DTX2: variants seen among roughly 807,000 people sequenced by gnomAD.
DTX2 encodes probable E3 ubiquitin-protein ligase DTX2.
Under a neutral mutation model 55.3 loss-of-function variants are expected in DTX2, and 29 were observed. That is an observed-to-expected ratio of 0.52 (90% CI 0.39 to 0.71). The LOEUF (loss-of-function observed/expected upper bound fraction) is 0.71, where lower values mean the gene tolerates loss of function less well. DTX2 is among the 30% of genes least tolerant of loss of function. The pLI, the probability that DTX2 is intolerant of heterozygous loss-of-function variation, is 0.00. For synonymous variants in DTX2, 276 were observed against 340.4 expected, an observed-to-expected ratio of 0.81 and a Z score of 2.08; for missense variants, 537 against 822.5, an observed-to-expected ratio of 0.65 and a Z score of 4.25.
intron 6 of DTX2, among the ~76,000 whole-genome samples, chr7:76,498,310 C>T (rs1480718831): frequency 1.1e-4 from 16 of 150,780 alleles, no homozygotes; most frequent in Middle Eastern, 3.6e-3. Context: ...CTCCAGCCCA[C>T]AGGCGAGGAG....
At chr7:76,478,500 A>T (rs1278753800) in intron 2 of DTX2, among the ~76,000 whole-genome samples, 4 of 147,892 alleles carry the variant, frequency 2.7e-5, no homozygotes, top group Non-Finnish European at 5.9e-5. Context: ...GCAGCCTCTA[A>T]CTCCTGGGCT....
chr7:76,475,221 G>T (rs947388197), intron 2 of DTX2, among the ~76,000 whole-genome samples: 13 of 151,710 alleles, frequency 8.6e-5, no homozygotes, highest in Non-Finnish European at 1.8e-4. Flanking sequence ...TGAGGCAGAA[G>T]AATCACTTGA....
At chr7:76,473,980 G>T in intron 2 of DTX2, among the ~76,000 whole-genome samples, 1 of 124,344 alleles carries the variant, frequency 8.0e-6, no homozygotes, top group Non-Finnish European at 1.7e-5. Flanking sequence ...GGAGTGCAAT[G>T]GCGCGATCTC....
chr7:76,468,097 G>A (rs1444722331), intron 2 of DTX2, among the ~76,000 whole-genome samples: 1 of 152,298 alleles, frequency 6.6e-6, no homozygotes, highest in Non-Finnish European at 1.5e-5. Context: ...GGAGAGGGAG[G>A]CCAGGGCCTG....
chr7:76,474,626 C>A (rs1349197643), intron 2 of DTX2: 1 of 151,914 alleles, frequency 6.6e-6, no homozygotes, highest in African/African-American at 2.4e-5. Context: ...TGAAAGTAGC[C>A]GTGGCTCAGT....
intron 2 of DTX2, among the ~76,000 whole-genome samples, chr7:76,468,135 C>T (rs1229650277): frequency 6.6e-6 from 1 of 152,292 alleles, no homozygotes; most frequent in Non-Finnish European, 1.5e-5. Flanking sequence ...ATGTTATCAA[C>T]GCCCGGTGTG....
chr7:76,474,724 C>T (rs1229786851), intron 2 of DTX2: 3 of 151,936 alleles, frequency 2.0e-5, no homozygotes, highest in African/African-American at 7.3e-5. Context: ...GTGGCTCACC[C>T]GCCCCGGGGC....
intron 3 of DTX2, 123 bp downstream of exon 3, chr7:76,480,900 C>G (rs1010786904): frequency 8.5e-7 from 1 of 1,172,590 alleles, no homozygotes; most frequent in East Asian, 2.6e-5. Flanking sequence ...CTGCAGCACA[C>G]GTGGTGGTGG....
At chr7:76,470,580 CT>C in intron 2 of DTX2, 4 of 228,268 alleles carry the variant, frequency 1.8e-5, no homozygotes, top group Admixed American at 7.8e-5. Context: ...AGATTTGTGC[CT>C]TTTTTCGGTG....
chr7:76,504,685 T>C (rs114827474), intron 10 of DTX2, among the ~76,000 whole-genome samples: 1,085 of 152,280 alleles, frequency 7.1e-3, no homozygotes, highest in African/African-American at 0.024. Context: ...GGTCAGGAGC[T>C]CCTGAGAGTC....
rs776357746 is a variant in DTX2, at chr7:76,483,105, C to T, written c.866C>T (p.Pro289Leu). The T allele has an allele frequency of 3.0e-5, 48 of 1,612,744 alleles. No individual in the cohort carries two copies. The highest frequency in any genetic ancestry group is 2.4e-4 in the African/African-American group (18 of 74,936). ...LYRSSLSHLGPQHLPPGSSTS... is the reference protein window; with the variant it reads ...LYRSSLSHLGLQHLPPGSSTS... ...CGCTCCAGCCTCTCCCACCTGGGAC[C>T]GCAGCACCTGCCCCCAGGATCCTCC... The change falls in exon 4 of 11, where the codon CCG (proline) becomes CTG (leucine). Residue 289 changes from proline to leucine, a missense_variant. Around this residue, in one of 7 missense-constraint regions of DTX2, gnomAD observed 18 missense variants for 65.0 expected, o/e 0.28. Transcript: ENST00000430490.
At chr7:76,481,596 G>A (rs1809222514) in intron 3 of DTX2, among the ~76,000 whole-genome samples, 2 of 152,134 alleles carry the variant, frequency 1.3e-5, no homozygotes, top group African/African-American at 2.4e-5. Context: ...TGTCCCCGGG[G>A]CCATCTGACA....
chr7:76,479,839 A>T lies in DTX2; in HGVS notation c.-89-582A>T, dbSNP rs377456527. Among the ~76,000 whole-genome samples the T allele has an allele frequency of 7.6e-3, 1,143 of 150,134 alleles. 16 individuals carry two copies. Among genetic ancestry groups the T allele is most frequent in the Middle Eastern group, 0.037 (11 of 294 alleles). ...GTTGGGTCAGAGGGGAATTATCAGT[A>T]GCAAGAAAGAAGCTGGGCTGGTGAC... On this transcript the variant is annotated intron_variant, in intron 2 of 10. Coordinates refer to ENST00000430490, the MANE Select transcript of DTX2 (RefSeq NM_001102594.3).
intron 8 of DTX2, 71 bp downstream of exon 8, chr7:76,502,527 G>T: frequency 1.3e-6 from 2 of 1,528,680 alleles, no homozygotes; most frequent in East Asian, 2.3e-5. Context: ...CTGCAGGGGC[G>T]GGAGGGTTCC....
chr7:76,499,511 G>T (rs375720500), intron 6 of DTX2, among the ~76,000 whole-genome samples: 82 of 151,678 alleles, frequency 5.4e-4, no homozygotes, highest in African/African-American at 1.9e-3. Flanking sequence ...TCAAACCAGA[G>T]CCCCTTCTGG....
intron 4 of DTX2, among the ~76,000 whole-genome samples, chr7:76,488,248 T>C (rs1377354980): frequency 1.2e-5 from 1 of 82,518 alleles, no homozygotes; most frequent in Non-Finnish European, 2.5e-5. Flanking sequence ...CAAGGACTTC[T>C]TGTTCGTTCT....
At chr7:76,475,168 G>A (rs1464867561) in intron 2 of DTX2, among the ~76,000 whole-genome samples, 1 of 151,522 alleles carries the variant, frequency 6.6e-6, no homozygotes, top group Non-Finnish European at 1.5e-5. Flanking sequence ...AAAATTAGCC[G>A]GGCTTGGTGG....
chr7:76,502,478 G>T (rs376289670), intron 8 of DTX2, 22 bp downstream of exon 8: 57 of 1,606,478 alleles, frequency 3.5e-5, no homozygotes, highest in Non-Finnish European at 4.8e-5. Flanking sequence ...GGCCCAGGGC[G>T]GAGGCGGGTG....
In DTX2 at chr7:76,505,365, C is replaced by G. The variant is rs751323273; in HGVS notation, c.1642-9C>G. On this transcript the variant is annotated splice_polypyrimidine_tract_variant and intron_variant, in intron 10 of 10. Transcript: ENST00000430490. The surrounding 1 kb of genome is among the most constrained non-coding windows in gnomAD (Gnocchi z 4.4). ...CTCCTTCCTCTTCCCCCTCCTCCTC[C>G]CCGGGCAGGTCCTAGAGCTCCTGAA... The G allele has an allele frequency of 2.6e-6, 4 of 1,563,990 alleles. No homozygotes were observed. Among genetic ancestry groups the G allele is most frequent in the Non-Finnish European group, 3.5e-6 (4 of 1,154,368 alleles).
Sources: allele counts gnomAD v4.1 joint callset (sites outside exome capture counted in the v4.1 genomes callset), GRCh38; gene constraint gnomAD v4.1.1; regional missense constraint gnomAD v4.1.1; non-coding constraint Gnocchi (gnomAD v3.1); transcripts MANE v1.5; gene names NCBI Gene and HGNC (gene_info 2026-07-23, HGNC 2026-07-21).